Variants in RPS6KC1 observed in about 807,000 individuals in gnomAD.
The protein encoded by RPS6KC1 is inactive ribosomal protein S6 kinase delta-1.
Under a neutral mutation model 103.8 loss-of-function variants are expected in RPS6KC1, and 54 were observed. The observed-to-expected ratio is 0.52, with a 90% confidence interval of 0.42 to 0.65. The LOEUF (loss-of-function observed/expected upper bound fraction) is 0.65. Among genes scored for constraint, RPS6KC1 ranks in the 30% least tolerant of loss-of-function variants. The probability of loss-of-function intolerance (pLI) is 0.00; values close to 1 mark genes in which losing one functional copy is unlikely to be tolerated. For synonymous variants in RPS6KC1, 439 were observed against 438.7 expected (o/e 1.00, Z -0.01); for missense variants, 1,151 against 1,253.8 (o/e 0.92, Z 1.24).
intron 4 of RPS6KC1, among the ~76,000 whole-genome samples, chr1:213,112,752 C>A (rs889750587): frequency 6.6e-6 from 1 of 150,440 alleles, no homozygotes; most frequent in Non-Finnish European, 1.5e-5. Flanking sequence ...GTGTGATGTT[C>A]CCCTTCCTGT....
chr1:213,091,812 C>G (rs2080988924), intron 3 of RPS6KC1, among the ~76,000 whole-genome samples: 1 of 152,148 alleles, frequency 6.6e-6, no homozygotes, highest in Non-Finnish European at 1.5e-5. Flanking sequence ...GAGAAAATGT[C>G]TGTCAAATAT....
chr1:213,289,396 G>C, the RPS6KC1 span, among the ~76,000 whole-genome samples: 2 of 151,254 alleles, frequency 1.3e-5, no homozygotes, highest in Non-Finnish European at 2.9e-5. Context: ...TGGTTTAATT[G>C]CCTGGCATGG....
chr1:213,117,949 G>C (rs1293085266), intron 5 of RPS6KC1, among the ~76,000 whole-genome samples: 1 of 144,320 alleles, frequency 6.9e-6, no homozygotes, highest in Non-Finnish European at 1.5e-5. Flanking sequence ...TTGAACCTGG[G>C]AGGTGGAGTT....
chr1:213,589,826 C>G, the RPS6KC1 span, among the ~76,000 whole-genome samples: 1 of 151,954 alleles, frequency 6.6e-6, no homozygotes, highest in South Asian at 2.1e-4. Context: ...GGTCCTGCTC[C>G]CCAGAGGCTG....
At chr1:213,843,037 G>A in the RPS6KC1 span, among the ~76,000 whole-genome samples, 2 of 152,120 alleles carry the variant, frequency 1.3e-5, no homozygotes, top group Non-Finnish European at 2.9e-5. Flanking sequence ...GGAAATTCAG[G>A]GAAAAGTTGT....
chr1:213,362,095 G>C, the RPS6KC1 span, among the ~76,000 whole-genome samples: 1 of 152,142 alleles, frequency 6.6e-6, no homozygotes, highest in Non-Finnish European at 1.5e-5. Context: ...CCTGGATCAG[G>C]GATGTCAGGT....
chr1:213,655,037 G>A, the RPS6KC1 span, among the ~76,000 whole-genome samples: 7 of 152,196 alleles, frequency 4.6e-5, no homozygotes, highest in South Asian at 1.5e-3. Context: ...TATGTTTTAT[G>A]TATTTTTTCT....
chr1:213,313,822 G>A, the RPS6KC1 span, among the ~76,000 whole-genome samples: 64 of 152,164 alleles, frequency 4.2e-4, no homozygotes, highest in African/African-American at 1.3e-3. Flanking sequence ...GTGTGGTGGC[G>A]GGCACGTGTA....
the RPS6KC1 span, among the ~76,000 whole-genome samples, chr1:213,287,934 A>T: frequency 5.3e-5 from 8 of 150,678 alleles, no homozygotes; most frequent in Middle Eastern, 3.4e-3. Context: ...AAAAGGTGTG[A>T]TATAAATCAG....
At chr1:213,614,275 C>T in the RPS6KC1 span, among the ~76,000 whole-genome samples, 6 of 152,182 alleles carry the variant, frequency 3.9e-5, no homozygotes, top group Non-Finnish European at 8.8e-5. Context: ...TGTGAGGAGA[C>T]CTAGACCAGG....
intron 8 of RPS6KC1, among the ~76,000 whole-genome samples, chr1:213,200,745 C>T (rs1038085550): frequency 6.6e-6 from 1 of 152,048 alleles, no homozygotes; most frequent in Non-Finnish European, 1.5e-5. Context: ...GTCTAATATC[C>T]AGCATCTATA....
chr1:213,485,495 A>C, the RPS6KC1 span, among the ~76,000 whole-genome samples: 3 of 152,188 alleles, frequency 2.0e-5, no homozygotes, highest in Non-Finnish European at 4.4e-5. Flanking sequence ...ACCCAGCTAG[A>C]ATGCAAGCAT....
chr1:213,621,536 G>A, the RPS6KC1 span, among the ~76,000 whole-genome samples: 98 of 152,220 alleles, frequency 6.4e-4, no homozygotes, highest in Middle Eastern at 0.01. Context: ...TCGGAATTAA[G>A]GACATTTCTT....
At chr1:213,418,768 C>T in the RPS6KC1 span, among the ~76,000 whole-genome samples, 6 of 152,160 alleles carry the variant, frequency 3.9e-5, no homozygotes, top group African/African-American at 9.7e-5. Context: ...GGTCCTGTTC[C>T]GACCCCAGGA....
chr1:213,775,902 T>C, the RPS6KC1 span, among the ~76,000 whole-genome samples: 1 of 152,212 alleles, frequency 6.6e-6, no homozygotes, highest in Admixed American at 6.5e-5. Flanking sequence ...TCTTATCATT[T>C]CCACAATGTT....
the RPS6KC1 span, among the ~76,000 whole-genome samples, chr1:213,588,130 C>T: frequency 4.6e-5 from 7 of 151,984 alleles, no homozygotes; most frequent in South Asian, 2.1e-4. Flanking sequence ...GACTGGAGTA[C>T]GGTGGCACAG....
the RPS6KC1 span, among the ~76,000 whole-genome samples, chr1:213,640,703 T>C: frequency 1.3e-4 from 20 of 152,072 alleles, no homozygotes; most frequent in African/African-American, 4.8e-4. Context: ...TCCTGCTACC[T>C]TTCTTTTATT....
intron 3 of RPS6KC1, among the ~76,000 whole-genome samples, chr1:213,089,799 A>G (rs1479462391): frequency 6.6e-6 from 1 of 152,206 alleles, no homozygotes. Context: ...GCATGTTTAC[A>G]TGCCAAAAAT....
At chr1:213,445,298 T>C in the RPS6KC1 span, among the ~76,000 whole-genome samples, 2 of 152,246 alleles carry the variant, frequency 1.3e-5, no homozygotes, top group Admixed American at 1.3e-4. Context: ...ACATTTCATG[T>C]ACAAGTCTTT....
Sources: gnomAD v4.1 joint callset for allele counts (sites outside exome capture counted in the v4.1 genomes callset) on GRCh38, gnomAD v4.1.1 for gene constraint, MANE v1.5 for transcripts, NCBI Gene and HGNC (gene_info 2026-07-23, HGNC 2026-07-21) for gene names.